Variants in P2RY6 observed in about 807,000 individuals in gnomAD.
The protein encoded by P2RY6 is P2Y purinoceptor 6.
Under a neutral mutation model 16.3 loss-of-function variants are expected in P2RY6, and 19 were observed. That is an observed-to-expected ratio of 1.16 (90% CI 0.81 to 1.71). The LOEUF is 1.71. Among genes scored for constraint, P2RY6 ranks in the 40% most tolerant of loss-of-function variants. The probability of loss-of-function intolerance (pLI) is 0.00; values close to 1 mark genes in which losing one functional copy is unlikely to be tolerated. For missense variants in P2RY6, 389 were observed against 455.5 expected, an observed-to-expected ratio of 0.85 and a Z score of 1.33; for synonymous variants, 184 against 201.5, an observed-to-expected ratio of 0.91 and a Z score of 0.74.
chr11:73,291,934 C>T (rs1157895616), intron 1 of P2RY6, among the ~76,000 whole-genome samples: 2 of 152,250 alleles, frequency 1.3e-5, no homozygotes, highest in East Asian at 1.9e-4. Context: ...CCTCCCATGC[C>T]ACCTGCCTTG....
At chr11:73,272,157 C>G (rs1296770099), upstream of P2RY6, 1 of 157,560 alleles carries the variant, frequency 6.3e-6, no homozygotes, top group Non-Finnish European at 1.4e-5. Context: ...AGTGAGCAAA[C>G]AGAGGGTGAA....
rs889880239 is a variant in P2RY6 at position 73,297,529 on chromosome 11, T to C, written c.*24T>C. ...GAGTCCTCCAGGTCCTGGGCAGCCT[T>C]CATATTTGCCATTGTGTCCGGGGCA... On this transcript the variant is annotated 3_prime_UTR_variant, in exon 3 of 3. Coordinates refer to ENST00000540124, the MANE Select transcript of P2RY6 (RefSeq NM_001277204.2). The C allele has an allele frequency of 1.9e-6, 3 of 1,581,934 alleles. No homozygotes were observed. Among genetic ancestry groups the C allele is most frequent in the Middle Eastern group, 1.7e-4 (1 of 5,882 alleles).
At chr11:73,272,669 C>G (rs188327594) in intron 1 of P2RY6, among the ~76,000 whole-genome samples, 1 of 152,172 alleles carries the variant, frequency 6.6e-6, no homozygotes, top group Non-Finnish European at 1.5e-5. Flanking sequence ...GACGAGGCAC[C>G]GCAGGACGGG....
intron 2 of P2RY6, 37 bp from the exon 3 acceptor site, chr11:73,296,448 G>A (rs977262933): frequency 2.1e-5 from 33 of 1,553,572 alleles, no homozygotes; most frequent in South Asian, 5.9e-5. Context: ...GGTGGTGAGT[G>A]AGCATGTCAC....
At chr11:73,265,567 T>C (rs1284736146) in intron 1 of P2RY6, 1 of 119,526 alleles carries the variant, frequency 8.4e-6, no homozygotes, top group Non-Finnish European at 1.7e-5. Flanking sequence ...GTTGGGTATG[T>C]GGTGTGTGCT....
chr11:73,272,744 A>G (rs535586298), intron 1 of P2RY6, among the ~76,000 whole-genome samples: 1 of 152,338 alleles, frequency 6.6e-6, no homozygotes, highest in Non-Finnish European at 1.5e-5. Flanking sequence ...GAGAAGTGGA[A>G]TAGCTCAGTC....
intron 1 of P2RY6, among the ~76,000 whole-genome samples, chr11:73,280,630 A>T (rs1005270888): frequency 6.6e-6 from 1 of 152,146 alleles, no homozygotes; most frequent in Non-Finnish European, 1.5e-5. Context: ...CCTTGTCCCC[A>T]CTGAACACCT....
chr11:73,291,184 G>A (rs1452684164), intron 1 of P2RY6, among the ~76,000 whole-genome samples: 2 of 152,288 alleles, frequency 1.3e-5, no homozygotes, highest in Middle Eastern at 3.4e-3. Context: ...GTGGGATTAG[G>A]GGTCTCCAGA....
At chr11:73,276,244 A>G (rs1863531526) in intron 1 of P2RY6, among the ~76,000 whole-genome samples, 1 of 152,278 alleles carries the variant, frequency 6.6e-6, no homozygotes, top group Admixed American at 6.5e-5. Flanking sequence ...GAGGATGTGA[A>G]GAAATTGGAA....
intron 1 of P2RY6, among the ~76,000 whole-genome samples, chr11:73,292,245 C>T (rs954614082): frequency 2.6e-5 from 4 of 152,198 alleles, no homozygotes; most frequent in African/African-American, 9.7e-5. Context: ...GATCTGGTGA[C>T]ACATAGTAGG....
chr11:73,267,546 C>G (rs1206311191), upstream of P2RY6, among the ~76,000 whole-genome samples: 1 of 152,124 alleles, frequency 6.6e-6, no homozygotes, highest in Non-Finnish European at 1.5e-5. Flanking sequence ...CTGAAGAGAC[C>G]TCAAAGGCAA....
At chr11:73,285,196 A>G (rs1863921556) in intron 1 of P2RY6, among the ~76,000 whole-genome samples, 1 of 152,140 alleles carries the variant, frequency 6.6e-6, no homozygotes, top group African/African-American at 2.4e-5. Flanking sequence ...TCAGCCTCCC[A>G]AGTAGCTGGG....
intron 1 of P2RY6, among the ~76,000 whole-genome samples, chr11:73,288,442 G>A (rs1565169248): frequency 6.6e-6 from 1 of 152,208 alleles, no homozygotes; most frequent in African/African-American, 2.4e-5. Flanking sequence ...AGGGGAAGTG[G>A]GAAAGGAGTA....
rs547713799 is a variant in P2RY6, at chr11:73,295,810, C to T, written c.-40C>T. Reference sequence around the variant, plus strand: ...GGAGATGGGTGCGGTCCTCAGTGAGCCCCTGGTGTGTGGACCCTTCGCATT... The same window carrying T: ...GGAGATGGGTGCGGTCCTCAGTGAGTCCCTGGTGTGTGGACCCTTCGCATT... On this transcript the variant is annotated 5_prime_UTR_variant, in exon 2 of 3. Coordinates refer to ENST00000540124, the MANE Select transcript of P2RY6 (RefSeq NM_001277204.2). 1.1e-3 allele frequency: 1,038 copies of T among 982,606 alleles called. 5 individuals carry two copies. In the Middle Eastern group the frequency reaches 0.014, roughly 13 times the overall value. The allele number at this position is 982,606 out of a possible 1,614,324, so 60.9% of individuals were successfully genotyped here.
In P2RY6 at chr11:73,267,129, A is replaced by G. The variant is rs977052668; in HGVS notation, c.-281+2480A>G. On this transcript the variant is annotated intron_variant, in intron 1 of 3. Coordinates refer to the P2RY6 transcript ENST00000349767. Reference sequence around the variant, plus strand: ...CCAACTTTCTACACTCCAAAGCTGTAACATTCCCCAATTCTGGCTCCAATG... The same window carrying G: ...CCAACTTTCTACACTCCAAAGCTGTGACATTCCCCAATTCTGGCTCCAATG... Among the ~76,000 whole-genome samples, 11 of 152,228 alleles carry G rather than the reference A, an allele frequency of 7.2e-5. No individual in the cohort carries two copies. In the South Asian group the frequency reaches 2.3e-3, roughly 31 times the overall value.
chr11:73,272,723 G>C (rs1476689892), intron 1 of P2RY6, among the ~76,000 whole-genome samples: 1 of 152,210 alleles, frequency 6.6e-6, no homozygotes, highest in Non-Finnish European at 1.5e-5. Flanking sequence ...GTGCTGCGCC[G>C]TGCCTTGCTG....
intron 1 of P2RY6, among the ~76,000 whole-genome samples, chr11:73,294,964 A>G (rs907385329): frequency 6.6e-6 from 1 of 152,216 alleles, no homozygotes; most frequent in Non-Finnish European, 1.5e-5. Flanking sequence ...ATCAGAGTCC[A>G]TATACTTTGC....
At chr11:73,266,734 C>A (rs1863117632) in intron 1 of P2RY6, among the ~76,000 whole-genome samples, 1 of 152,140 alleles carries the variant, frequency 6.6e-6, no homozygotes, top group Non-Finnish European at 1.5e-5. Context: ...GGGGAGGGAA[C>A]CTAAATATAT....
chr11:73,291,990 C>T (rs752050146), intron 1 of P2RY6, among the ~76,000 whole-genome samples: 43 of 152,364 alleles, frequency 2.8e-4, no homozygotes, highest in Non-Finnish European at 4.7e-4. Flanking sequence ...CCAGGTCGCC[C>T]TCTTGGAATG....
Sources: gnomAD v4.1 joint callset for allele counts (sites outside exome capture counted in the v4.1 genomes callset) on GRCh38, gnomAD v4.1.1 for gene constraint, MANE v1.5 for transcripts, NCBI Gene and HGNC (gene_info 2026-07-23, HGNC 2026-07-21) for gene names.